The following RTN4 variants were observed in gnomAD, a reference collection of about 807,000 sequenced individuals.
The protein encoded by RTN4 is reticulon 4.
Under a neutral mutation model 90.4 loss-of-function variants are expected in RTN4, and 32 were observed. The ratio of observed to expected loss-of-function variants is 0.35; its 90% confidence interval spans 0.27 to 0.48. The LOEUF (loss-of-function observed/expected upper bound fraction) is 0.48. RTN4 is among the 20% of genes least tolerant of loss of function. RTN4 has a pLI of 0.99. For synonymous variants in RTN4, 629 were observed against 552.5 expected (o/e 1.14, Z -1.94); for missense variants, 1,706 against 1,430.2 (o/e 1.19, Z -3.11).
chr2:54,973,664 T>G (rs2255112), intron 7 of RTN4, 43 bp from the exon 8 acceptor site: 624,477 of 1,542,210 alleles, frequency 0.4, 131,584 homozygotes, highest in East Asian at 0.62. Flanking sequence ...TGCTAAAGAA[T>G]CTTATTAACC....
chr2:55,032,121 C>T (rs147854712), intron 1 of RTN4, among the ~76,000 whole-genome samples: 24 of 151,866 alleles, frequency 1.6e-4, no homozygotes, highest in Middle Eastern at 6.8e-3. Context: ...TGCTCTGTCA[C>T]CCAGGCTGGA....
chr2:55,097,550 G>A (rs1270471828), intron 1 of RTN4, among the ~76,000 whole-genome samples: 3 of 152,156 alleles, frequency 2.0e-5, no homozygotes, highest in African/African-American at 7.2e-5. Context: ...CTTGAACCAA[G>A]GAGACAGCAG....
intron 1 of RTN4, among the ~76,000 whole-genome samples, chr2:55,091,867 G>A (rs2920860): frequency 0.89 from 135,802 of 151,866 alleles, 60,931 homozygotes; most frequent in Middle Eastern, 0.97. Flanking sequence ...ATGCAAAAGC[G>A]GAAACCCCTG....
At chr2:55,119,631 G>A in the RTN4 span, among the ~76,000 whole-genome samples, 22 of 152,264 alleles carry the variant, frequency 1.4e-4, no homozygotes, top group Middle Eastern at 3.4e-3. Flanking sequence ...TTGGAATCTC[G>A]CTTAGCCATA....
chr2:55,131,681 C>T, the RTN4 span, among the ~76,000 whole-genome samples: 3,838 of 151,918 alleles, frequency 0.025, 159 homozygotes, highest in African/African-American at 0.089. Context: ...GTCAGGAGTT[C>T]GAGACCAGTC....
chr2:55,039,314 T>C (rs890917684), intron 1 of RTN4, among the ~76,000 whole-genome samples: 5 of 152,206 alleles, frequency 3.3e-5, no homozygotes, highest in Non-Finnish European at 5.9e-5. Flanking sequence ...TGTATGGGCA[T>C]TCTTCAACAA....
At chr2:54,982,879 C>A (rs1425861893) in intron 4 of RTN4, among the ~76,000 whole-genome samples, 1 of 152,166 alleles carries the variant, frequency 6.6e-6, no homozygotes, top group Admixed American at 6.5e-5. Flanking sequence ...CCAGACTGAT[C>A]TGGGCTTGAA....
chr2:55,118,140 A>C, the RTN4 span, among the ~76,000 whole-genome samples: 2 of 152,106 alleles, frequency 1.3e-5, no homozygotes, highest in Non-Finnish European at 2.9e-5. Flanking sequence ...GCACCGATCT[A>C]GTCTACTCTC....
At chr2:55,129,063 G>A in the RTN4 span, among the ~76,000 whole-genome samples, 13 of 147,236 alleles carry the variant, frequency 8.8e-5, no homozygotes, top group Middle Eastern at 0.011. Flanking sequence ...AGCCGAGATC[G>A]CGCCACTACA....
the RTN4 span, among the ~76,000 whole-genome samples, chr2:55,128,776 C>T: frequency 6.6e-6 from 1 of 151,800 alleles, no homozygotes; most frequent in Non-Finnish European, 1.5e-5. Flanking sequence ...TACCAGCAAT[C>T]CCTACAATTC....
At chr2:55,072,685 T>C (rs562112224) in intron 2 of RTN4, among the ~76,000 whole-genome samples, 2 of 152,354 alleles carry the variant, frequency 1.3e-5, no homozygotes, top group East Asian at 3.9e-4. Flanking sequence ...GATATAACTG[T>C]ACCACTTAGC....
intron 2 of RTN4, among the ~76,000 whole-genome samples, chr2:55,063,304 G>A (rs1425776921): frequency 6.6e-6 from 1 of 152,230 alleles, no homozygotes. Flanking sequence ...ACATTTAAGT[G>A]GAGAGTAGAA....
chr2:54,977,843 T>C (rs1185935289), intron 5 of RTN4, among the ~76,000 whole-genome samples: 2 of 152,150 alleles, frequency 1.3e-5, no homozygotes, highest in Non-Finnish European at 2.9e-5. Flanking sequence ...AAACGGAATA[T>C]TACACAAGAA....
intron 3 of RTN4, among the ~76,000 whole-genome samples, chr2:55,022,616 C>T (rs1463615398): frequency 6.6e-6 from 1 of 152,050 alleles, no homozygotes; most frequent in Non-Finnish European, 1.5e-5. Flanking sequence ...ATTCTCTGTC[C>T]TTCCTCATTT....
intron 1 of RTN4, among the ~76,000 whole-genome samples, chr2:55,096,295 C>T (rs1039707368): frequency 6.6e-6 from 1 of 151,694 alleles, no homozygotes; most frequent in Non-Finnish European, 1.5e-5. Context: ...CATTGCACTC[C>T]AGCCTGGGCA....
At chr2:55,134,381 C>T in the RTN4 span, among the ~76,000 whole-genome samples, 1 of 152,130 alleles carries the variant, frequency 6.6e-6, no homozygotes, top group Non-Finnish European at 1.5e-5. Flanking sequence ...AAAGCAGATC[C>T]TAGACTTGGA....
chr2:55,070,374 T>C (rs1668485396), intron 2 of RTN4, among the ~76,000 whole-genome samples: 1 of 151,158 alleles, frequency 6.6e-6, no homozygotes, highest in Non-Finnish European at 1.5e-5. Context: ...CGAGATCTTG[T>C]CTCTACTAAA....
At chr2:55,051,734 A>C (rs947667048), upstream of RTN4, among the ~76,000 whole-genome samples, 9 of 152,222 alleles carry the variant, frequency 5.9e-5, no homozygotes, top group Middle Eastern at 3.2e-3. Flanking sequence ...GTAAGTGTAA[A>C]ATGCGCACTG....
At chr2:54,998,246 G>A (rs370044341) in intron 3 of RTN4, among the ~76,000 whole-genome samples, 58 of 140,032 alleles carry the variant, frequency 4.1e-4, no homozygotes, top group African/African-American at 1.3e-3. Context: ...TGGGAGGGGG[G>A]TGAAGAAAAT....
Sources: allele counts gnomAD v4.1 joint callset (sites outside exome capture counted in the v4.1 genomes callset), GRCh38; gene constraint gnomAD v4.1.1; transcripts MANE v1.5; gene names NCBI Gene and HGNC (gene_info 2026-07-23, HGNC 2026-07-21).